ZNF362: variants seen among roughly 807,000 people sequenced by gnomAD.
ZNF362 encodes zinc finger protein 362.
A neutral mutation model predicts 42.9 loss-of-function variants in ZNF362; 11 were observed. The ratio of observed to expected loss-of-function variants is 0.26; its 90% CI spans 0.16 to 0.42. The LOEUF (loss-of-function observed/expected upper bound fraction) is 0.42, where lower values mean the gene tolerates loss of function less well. Among genes scored for constraint, ZNF362 ranks in the 20% least tolerant of loss-of-function variants. ZNF362 has a pLI of 1.00. For synonymous variants in ZNF362, 255 were observed against 257.3 expected, an observed-to-expected ratio of 0.99 and a Z score of 0.09; for missense variants, 362 against 576.2, an observed-to-expected ratio of 0.63 and a Z score of 3.81.
chr1:33,144,539 C>CTGAT, the ZNF362 span, among the ~76,000 whole-genome samples: 1 of 152,242 alleles, frequency 6.6e-6, no homozygotes, highest in East Asian at 1.9e-4. Flanking sequence ...CTGGGCCCGA[C>CTGAT]TGATAGAACC....
At chr1:33,256,431 G>T, upstream of ZNF362, 1 of 141,408 alleles carries the variant, frequency 7.1e-6, no homozygotes, top group Non-Finnish European at 1.5e-5. Flanking sequence ...GGGGCCGCGC[G>T]GCGCTGCAGA....
At chr1:33,137,810 AC>A in the ZNF362 span, among the ~76,000 whole-genome samples, 171 of 152,108 alleles carry the variant, frequency 1.1e-3, 1 homozygote, top group Non-Finnish European at 2.2e-3. Context: ...AAAGCTGGCC[AC>A]GGTACAAGGG....
chr1:33,160,091 A>G, the ZNF362 span: 2 of 1,043,512 alleles, frequency 1.9e-6, no homozygotes, highest in Non-Finnish European at 2.7e-6. Context: ...ATGCAAAAGC[A>G]TGGTGGTAGG....
the ZNF362 span, among the ~76,000 whole-genome samples, chr1:33,206,075 A>T: frequency 6.6e-6 from 1 of 152,216 alleles, no homozygotes; most frequent in African/African-American, 2.4e-5. Context: ...ATAATATTGG[A>T]AAAATTATAT....
Position 33,294,848 on chromosome 1 carries a change from G to A in ZNF362, c.909-89G>A. ...AGCATGGGCAGGGTAGGGACCGAGA[G>A]GCTTAGGGGCCAGAGTAAGGACTTG... On this transcript the variant is annotated intron_variant, in intron 6 of 8. Coordinates refer to ENST00000539719, the MANE Select transcript of ZNF362 (RefSeq NM_152493.3). This position sits in a 1 kb window ranked among gnomAD's most constrained non-coding sequence, Gnocchi z 4.2. 1 of 1,458,658 alleles carries A rather than the reference G, an allele frequency of 6.9e-7. No homozygotes were observed. The allele number at this position is 1,458,658 out of a possible 1,614,324, so 90.4% of individuals were successfully genotyped here.
the ZNF362 span, among the ~76,000 whole-genome samples, chr1:33,134,182 G>A: frequency 6.6e-5 from 10 of 152,342 alleles, no homozygotes; most frequent in South Asian, 6.2e-4. Context: ...CACCTGGCAC[G>A]TGGCAGTCCC....
the ZNF362 span, chr1:33,181,465 G>C: frequency 1.9e-6 from 3 of 1,550,658 alleles, no homozygotes; most frequent in African/African-American, 2.8e-5. This position sits in a 1 kb window ranked among gnomAD's most constrained non-coding sequence, Gnocchi z 6.5. Context: ...GGGGCCCGAG[G>C]GGCAGGGGGG....
chr1:33,128,372 G>A, the ZNF362 span, among the ~76,000 whole-genome samples: 1 of 152,076 alleles, frequency 6.6e-6, no homozygotes, highest in African/African-American at 2.4e-5. Context: ...GTGAGACCTC[G>A]TCTCCAAAAG....
At chr1:33,162,823 G>C in the ZNF362 span, 1 of 152,284 alleles carries the variant, frequency 6.6e-6, no homozygotes, top group Non-Finnish European at 1.5e-5. Flanking sequence ...CATAGCTCTT[G>C]CAGGACACCC....
At chr1:33,184,231 A>C in the ZNF362 span, among the ~76,000 whole-genome samples, 1 of 152,196 alleles carries the variant, frequency 6.6e-6, no homozygotes, top group Non-Finnish European at 1.5e-5. Flanking sequence ...CTTGCTAAGC[A>C]TTCTCACATA....
chr1:33,147,249 G>T, the ZNF362 span: 3 of 1,613,942 alleles, frequency 1.9e-6, no homozygotes, highest in Non-Finnish European at 2.5e-6. This position sits in a 1 kb window ranked among gnomAD's most constrained non-coding sequence, Gnocchi z 8.1. Context: ...CAGGGCTGAA[G>T]TAAGAGCAGA....
intron 1 of ZNF362, among the ~76,000 whole-genome samples, chr1:33,268,446 G>C (rs1238080749): frequency 6.6e-6 from 1 of 152,248 alleles, no homozygotes; most frequent in Non-Finnish European, 1.5e-5. Flanking sequence ...CAGAGTGCTT[G>C]TCTGGCAGCA....
chr1:33,271,002 C>T (rs2148080925), intron 2 of ZNF362, among the ~76,000 whole-genome samples: 1 of 152,280 alleles, frequency 6.6e-6, no homozygotes, highest in Admixed American at 6.5e-5. Context: ...TCTTTGGCCG[C>T]TCTCCTCCCT....
the ZNF362 span, among the ~76,000 whole-genome samples, chr1:33,149,824 C>T: frequency 6.6e-6 from 1 of 152,112 alleles, no homozygotes. Flanking sequence ...CACATTTTGC[C>T]CTATTTCCCC....
intron 2 of ZNF362, among the ~76,000 whole-genome samples, chr1:33,271,219 C>T (rs1273500180): frequency 6.6e-6 from 1 of 152,226 alleles, no homozygotes; most frequent in Non-Finnish European, 1.5e-5. Flanking sequence ...CAGCTGCTGG[C>T]TCCAGCCTCA....
At chr1:33,132,581 T>A in the ZNF362 span, among the ~76,000 whole-genome samples, 18 of 152,210 alleles carry the variant, frequency 1.2e-4, no homozygotes, top group Non-Finnish European at 2.6e-4. Context: ...CCCCCTAACC[T>A]TCCTCTCCTG....
At position 33,275,821 on chromosome 1, in the gene ZNF362, G is replaced by A. The variant is rs555047718; in HGVS notation, c.39-279G>A. On this transcript the variant is annotated intron_variant, in intron 2 of 8. Coordinates refer to ENST00000539719, the MANE Select transcript of ZNF362 (RefSeq NM_152493.3). ...GGTTGGCCAGCACTGGGGTGATAGG[G>A]GTGGGAGCTGGTTGAGAGTACTCTG... Among the ~76,000 whole-genome samples, 76 of 152,254 alleles carry A rather than the reference G, an allele frequency of 5.0e-4. 1 individual carries two copies. The South Asian group carries it at 0.014, about 28-fold the overall frequency.
the ZNF362 span, among the ~76,000 whole-genome samples, chr1:33,219,192 A>AT: frequency 6.6e-6 from 1 of 152,108 alleles, no homozygotes; most frequent in Non-Finnish European, 1.5e-5. Flanking sequence ...TGTGACATTC[A>AT]TGACCTCTGT....
the ZNF362 span, among the ~76,000 whole-genome samples, chr1:33,216,891 T>G: frequency 2.0e-5 from 3 of 151,616 alleles, no homozygotes; most frequent in African/African-American, 4.8e-5. Flanking sequence ...CTGAAGGCCT[T>G]GAATAAGGGC....
Sources: allele counts gnomAD v4.1 joint callset (sites outside exome capture counted in the v4.1 genomes callset), GRCh38; gene constraint gnomAD v4.1.1; non-coding constraint Gnocchi (gnomAD v3.1); transcripts MANE v1.5; gene names NCBI Gene and HGNC (gene_info 2026-07-23, HGNC 2026-07-21).